Variants in H3C1 observed in about 807,000 individuals in gnomAD.
The protein encoded by H3C1 is H3 clustered histone 1, also known as histone H3.1.
A neutral mutation model predicts 7.3 loss-of-function variants in H3C1; 14 were observed. The observed-to-expected ratio is 1.90, with a 90% CI of 1.26 to 2.98. The LOEUF is 2.98. Ranked by LOEUF, H3C1 falls within the 30% of genes most tolerant of loss-of-function variation. The pLI is 0.00. For missense variants in H3C1, 326 were observed against 192.2 expected (o/e 1.70, Z -4.12); for synonymous variants, 181 against 76.0 (o/e 2.38, Z -7.18).
In H3C1 at chr6:26,020,667, G is replaced by A. The variant is rs1761224698; in HGVS notation, c.178G>A (p.Glu60Lys). The change falls in exon 1 of 1, where the codon GAA becomes AAA. Residue 60 changes from glutamate to lysine, a missense_variant. Physicochemically the swap from Glu to Lys is moderately conservative, Grantham distance 56 (BLOSUM62 1). Transcript: ENST00000613854. ...REIRRYQKST[E>K]LLIRKLPFQR... The stretch of plus-strand genomic sequence containing the variant: ...GATCCGCCGTTATCAGAAGTCCACT[G>A]AACTGCTTATTCGTAAACTACCTTT... 1 of 1,614,140 alleles carries A rather than the reference G, an allele frequency of 6.2e-7. No individual in the cohort carries two copies. The highest frequency in any genetic ancestry group is 1.7e-5 in the Admixed American group (1 of 60,014).
In H3C1 at chr6:26,020,702, G is replaced by C; in HGVS notation, c.213G>C (p.Leu71=). The change falls in exon 1 of 1, where the codon CTG becomes CTC. Residue 71 remains leucine (L), a synonymous_variant. Transcript: ENST00000613854. ...LLIRKLPFQR[L]VREIAQDFKT... is the part of the protein sequence containing the mutation. ...TTCGTAAACTACCTTTCCAGCGCCT[G>C]GTGCGCGAGATTGCGCAGGACTTTA... 1.9e-6 allele frequency: 3 copies of C among 1,614,256 alleles called. No individual in the cohort carries two copies. The highest frequency in any genetic ancestry group is 2.5e-6 in the Non-Finnish European group (3 of 1,180,042).
chr6:26,020,763 GCT>G lies in H3C1; in HGVS notation c.277_278del (p.Leu93AlafsTer13), dbSNP rs747168682. 2.7e-5 allele frequency: 43 copies of G among 1,614,252 alleles called. No individual in the cohort carries two copies. Among genetic ancestry groups the G allele is most frequent in the Non-Finnish European group, 3.6e-5 (42 of 1,180,048 alleles). Reference sequence around the variant, plus strand: ...GCGTTTCCAGAGCTCCGCTGTGATGGCTCTGCAGGAGGCGTGCGAGGCCTACT... The same window carrying G: ...GCGTTTCCAGAGCTCCGCTGTGATGGCTGCAGGAGGCGTGCGAGGCCTACT... ...DLRFQSSAVM[A>X]LQEACEAYLV... On this transcript the variant is annotated frameshift_variant, in exon 1 of 1. Transcript: ENST00000613854. LOFTEE classifies it high-confidence loss of function.
In H3C1 at chr6:26,020,760, A is replaced by G; in HGVS notation, c.271A>G (p.Met91Val). 1 of 1,614,244 alleles carries G rather than the reference A, an allele frequency of 6.2e-7. No homozygotes were observed. The highest frequency in any genetic ancestry group is 2.2e-5 in the East Asian group (1 of 44,876). ...TDLRFQSSAV[M>V]ALQEACEAYL... ...CCTGCGTTTCCAGAGCTCCGCTGTGATGGCTCTGCAGGAGGCGTGCGAGGC... is the reference window on the plus strand; with the variant it reads ...CCTGCGTTTCCAGAGCTCCGCTGTGGTGGCTCTGCAGGAGGCGTGCGAGGC... The change falls in exon 1 of 1, where the codon ATG becomes GTG. Residue 91 changes from methionine (M) to valine (V), a missense_variant. Transcript: ENST00000613854.
In H3C1 at chr6:26,020,684, A is replaced by T. The variant is rs746930188; in HGVS notation, c.195A>T (p.Lys65Asn). The part of the protein sequence containing the change: ...YQKSTELLIR[K>N]LPFQRLVREI... ...AGTCCACTGAACTGCTTATTCGTAA[A>T]CTACCTTTCCAGCGCCTGGTGCGCG... The change falls in exon 1 of 1, where the codon AAA becomes AAT. Residue 65 changes from lysine (K) to asparagine (N), a missense_variant. Transcript: ENST00000613854. The T allele has an allele frequency of 6.2e-6, 10 of 1,614,108 alleles. No individual in the cohort carries two copies. In the African/African-American group the frequency reaches 1.3e-4, roughly 22 times the overall value.
rs766357916 is a variant in H3C1, at chr6:26,020,588, C to T, written c.99C>T (p.Thr33=). 30 of 1,614,074 alleles carry T rather than the reference C, an allele frequency of 1.9e-5. No individual in the cohort carries two copies. The highest frequency in any genetic ancestry group is 4.4e-5 in the South Asian group (4 of 91,088). ...TKAARKSAPA[T]GGVKKPHRYR... ...CAGCCCGCAAAAGCGCTCCGGCCAC[C>T]GGCGGCGTGAAAAAGCCCCACCGCT... The change falls in exon 1 of 1, where the codon ACC becomes ACT. Residue 33 remains threonine, a synonymous_variant. Transcript: ENST00000613854.
chr6:26,020,579 T>A lies in H3C1; in HGVS notation c.90T>A (p.Ala30=), dbSNP rs768685758. ...CCACTAAGGCAGCCCGCAAAAGCGC[T>A]CCGGCCACCGGCGGCGTGAAAAAGC... is the stretch of plus-strand genomic sequence containing the variant. The part of the protein sequence containing the change: ...QLATKAARKS[A]PATGGVKKPH... Residue 30 remains alanine, a synonymous_variant, in exon 1 of 1, where the codon GCT becomes GCA. Coordinates refer to ENST00000613854, the MANE Select transcript of H3C1 (RefSeq NM_003529.3). 31 of 1,613,986 alleles carry A rather than the reference T, an allele frequency of 1.9e-5. No individual in the cohort carries two copies. The highest frequency in any genetic ancestry group is 3.3e-4 in the Middle Eastern group (2 of 6,084).
chr6:26,020,464 G>T lies in H3C1; in HGVS notation c.-26G>T, dbSNP rs200804070. ...ATGGGCGTATTTGCGCTAGTGTTGG[G>T]TGTTCCGCTGTGCTGTTTTTCCGTC... On this transcript the variant is annotated 5_prime_UTR_variant, in exon 1 of 1. Coordinates refer to ENST00000613854, the MANE Select transcript of H3C1 (RefSeq NM_003529.3). 5.8e-5 allele frequency: 93 copies of T among 1,612,466 alleles called. No individual in the cohort carries two copies. The highest frequency in any genetic ancestry group is 2.0e-5 in the Non-Finnish European group (24 of 1,179,352).
Position 26,020,558 on chromosome 6 carries a change from T to C in H3C1, c.69T>C (p.Thr23=), listed in dbSNP as rs766485744. ...GGKAPRKQLA[T]KAARKSAPAT... ...AGGCGCCACGCAAACAGTTGGCCACTAAGGCAGCCCGCAAAAGCGCTCCGG... is the reference window on the plus strand; with the variant it reads ...AGGCGCCACGCAAACAGTTGGCCACCAAGGCAGCCCGCAAAAGCGCTCCGG... Residue 23 remains threonine (T), a synonymous_variant, in exon 1 of 1, where the codon ACT becomes ACC. Transcript: ENST00000613854. 2 of 1,614,186 alleles carry C rather than the reference T, an allele frequency of 1.2e-6. No individual in the cohort carries two copies. The highest frequency in any genetic ancestry group is 2.2e-5 in the South Asian group (2 of 91,090).
chr6:26,020,870 C>T lies in H3C1; in HGVS notation c.381C>T (p.Leu127=), dbSNP rs375098086. ...CTATCATGCCCAAGGACATCCAGCT[C>T]GCCCGCCGCATCCGCGGAGAGAGGG... The part of the protein sequence containing the change: ...RVTIMPKDIQ[L]ARRIRGERA Residue 127 remains leucine (L), a synonymous_variant, in exon 1 of 1, where the codon CTC becomes CTT. Coordinates refer to ENST00000613854, the MANE Select transcript of H3C1 (RefSeq NM_003529.3). The T allele has an allele frequency of 2.2e-5, 36 of 1,613,784 alleles. No homozygotes were observed. The highest frequency in any genetic ancestry group is 2.8e-5 in the Non-Finnish European group (33 of 1,179,822).
rs116444221 is a variant in H3C1 at position 26,020,919 on chromosome 6, C to G, written c.*19C>G. The G allele has an allele frequency of 3.1e-6, 5 of 1,612,348 alleles. No homozygotes were observed. Among genetic ancestry groups the G allele is most frequent in the South Asian group, 1.1e-5 (1 of 90,946 alleles). On this transcript the variant is annotated 3_prime_UTR_variant, in exon 1 of 1. Transcript: ENST00000613854. ...GGCGTGATTACTGTGGTCTCTCTGA[C>G]GGTCCAAGCAAAGGCTCTTTTCAGA...
Position 26,020,553 on chromosome 6 carries a change from G to A in H3C1, c.64G>A (p.Ala22Thr), listed in dbSNP as rs1029963018. 1 of 1,614,176 alleles carries A rather than the reference G, an allele frequency of 6.2e-7. No individual in the cohort carries two copies. Among genetic ancestry groups the A allele is most frequent in the South Asian group, 1.1e-5 (1 of 91,084 alleles). Residue 22 changes from alanine (A) to threonine (T), a missense_variant, in exon 1 of 1, where the codon GCC (alanine) becomes ACC (threonine). Transcript: ENST00000613854. ...TGGKAPRKQL[A>T]TKAARKSAPA... ...TGGCAAGGCGCCACGCAAACAGTTG[G>A]CCACTAAGGCAGCCCGCAAAAGCGC...
At position 26,020,936 on chromosome 6, in the gene H3C1, CT is replaced by C; in HGVS notation, c.*40del. ...CTCTCTGACGGTCCAAGCAAAGGCT[CT>C]TTTCAGAGCCACCACCTTTTCAAGT... On this transcript the variant is annotated 3_prime_UTR_variant, in exon 1 of 1. Transcript: ENST00000613854. The C allele has an allele frequency of 6.2e-7, 1 of 1,600,764 alleles. No homozygotes were observed. The highest frequency in any genetic ancestry group is 8.5e-7 in the Non-Finnish European group (1 of 1,173,858).
chr6:26,020,677 T>C lies in H3C1; in HGVS notation c.188T>C (p.Ile63Thr). 2 of 1,614,272 alleles carry C rather than the reference T, an allele frequency of 1.2e-6. No individual in the cohort carries two copies. The highest frequency in any genetic ancestry group is 1.7e-5 in the Admixed American group (1 of 60,034). ...RRYQKSTELL[I>T]RKLPFQRLVR... Reference sequence around the variant, plus strand: ...TATCAGAAGTCCACTGAACTGCTTATTCGTAAACTACCTTTCCAGCGCCTG... The same window carrying C: ...TATCAGAAGTCCACTGAACTGCTTACTCGTAAACTACCTTTCCAGCGCCTG... The change falls in exon 1 of 1, where the codon ATT (isoleucine) becomes ACT (threonine). Residue 63 changes from isoleucine (I) to threonine (T), a missense_variant. Physicochemically the swap from Ile to Thr is moderately conservative, Grantham distance 89. Coordinates refer to ENST00000613854, the MANE Select transcript of H3C1 (RefSeq NM_003529.3).
rs753275705 is a variant in H3C1, at chr6:26,020,591, C to G, written c.102C>G (p.Gly34=). ...CCCGCAAAAGCGCTCCGGCCACCGGCGGCGTGAAAAAGCCCCACCGCTACC... is the reference window on the plus strand; with the variant it reads ...CCCGCAAAAGCGCTCCGGCCACCGGGGGCGTGAAAAAGCCCCACCGCTACC... ...KAARKSAPAT[G]GVKKPHRYRP... is the part of the protein sequence containing the mutation. Residue 34 remains glycine, a synonymous_variant, in exon 1 of 1, where the codon GGC becomes GGG. Transcript: ENST00000613854. The G allele has an allele frequency of 6.2e-7, 1 of 1,614,182 alleles. No individual in the cohort carries two copies. The highest frequency in any genetic ancestry group is 8.5e-7 in the Non-Finnish European group (1 of 1,180,040).
At position 26,020,667 on chromosome 6, in the gene H3C1, G is replaced by C; in HGVS notation, c.178G>C (p.Glu60Gln). 6.2e-7 allele frequency: 1 copy of C among 1,614,258 alleles called. No individual in the cohort carries two copies. Among genetic ancestry groups the C allele is most frequent in the Non-Finnish European group, 8.5e-7 (1 of 1,180,042 alleles). Residue 60 changes from glutamate (E) to glutamine (Q), a missense_variant, in exon 1 of 1, where the codon GAA (glutamate) becomes CAA (glutamine). Glu to Gln is a conservative substitution (Grantham distance 29). Transcript: ENST00000613854. ...GATCCGCCGTTATCAGAAGTCCACT[G>C]AACTGCTTATTCGTAAACTACCTTT... ...REIRRYQKST[E>Q]LLIRKLPFQR...
chr6:26,020,604 C>A lies in H3C1; in HGVS notation c.115C>A (p.Pro39Thr). The change falls in exon 1 of 1, where the codon CCC becomes ACC. Residue 39 changes from proline (P) to threonine (T), a missense_variant. Physicochemically the swap from Pro to Thr is conservative, Grantham distance 38. Coordinates refer to ENST00000613854, the MANE Select transcript of H3C1 (RefSeq NM_003529.3). ...TCCGGCCACCGGCGGCGTGAAAAAG[C>A]CCCACCGCTACCGGCCGGGCACCGT... ...SAPATGGVKK[P>T]HRYRPGTVAL... The A allele has an allele frequency of 6.2e-7, 1 of 1,614,218 alleles. No individual in the cohort carries two copies.
Position 26,020,541 on chromosome 6 carries a change from C to G in H3C1, c.52C>G (p.Arg18Gly). The change falls in exon 1 of 1, where the codon CGC becomes GGC. Residue 18 changes from arginine (R) to glycine (G), a missense_variant. By Grantham distance (125) the Arg-to-Gly change is moderately radical. Transcript: ENST00000613854. Reference sequence around the variant, plus strand: ...GAAGTCTACTGGTGGCAAGGCGCCACGCAAACAGTTGGCCACTAAGGCAGC... The same window carrying G: ...GAAGTCTACTGGTGGCAAGGCGCCAGGCAAACAGTTGGCCACTAAGGCAGC... ...ARKSTGGKAP[R>G]KQLATKAARK... 1 of 1,614,154 alleles carries G rather than the reference C, an allele frequency of 6.2e-7. No individual in the cohort carries two copies. Among genetic ancestry groups the G allele is most frequent in the Non-Finnish European group, 8.5e-7 (1 of 1,180,026 alleles).
rs1761229503 is a variant in H3C1, at chr6:26,020,782, A to G, written c.293A>G (p.Glu98Gly). 1 of 1,614,236 alleles carries G rather than the reference A, an allele frequency of 6.2e-7. No homozygotes were observed. Among genetic ancestry groups the G allele is most frequent in the Non-Finnish European group, 8.5e-7 (1 of 1,180,052 alleles). Residue 98 changes from glutamate to glycine, a missense_variant, in exon 1 of 1, where the codon GAG becomes GGG. Transcript: ENST00000613854. ...GTGATGGCTCTGCAGGAGGCGTGCG[A>G]GGCCTACTTGGTAGGGCTATTTGAG... is the stretch of plus-strand genomic sequence containing the variant. ...SAVMALQEACEAYLVGLFEDT... is the reference protein window; with the variant it reads ...SAVMALQEACGAYLVGLFEDT...
rs376049175 is a variant in H3C1 at position 26,020,508 on chromosome 6, A to G, written c.19A>G (p.Thr7Ala). Residue 7 changes from threonine to alanine, a missense_variant, in exon 1 of 1, where the codon ACT becomes GCT. Physicochemically the swap from Thr to Ala is moderately conservative, Grantham distance 58. Transcript: ENST00000613854. ...TTCCGTCATGGCTCGCACTAAGCAA[A>G]CTGCTCGGAAGTCTACTGGTGGCAA... MARTKQ[T>A]ARKSTGGKAP... 2 of 1,613,882 alleles carry G rather than the reference A, an allele frequency of 1.2e-6. No individual in the cohort carries two copies. Among genetic ancestry groups the G allele is most frequent in the African/African-American group, 1.3e-5 (1 of 74,870 alleles).
Sources: allele counts gnomAD v4.1 joint callset, GRCh38; gene constraint gnomAD v4.1.1; transcripts MANE v1.5; gene names NCBI Gene and HGNC (gene_info 2026-07-23, HGNC 2026-07-21).